Variants in HMCN1 observed in about 807,000 individuals in gnomAD.
The protein encoded by HMCN1 is hemicentin-1.
In HMCN1, 321 loss-of-function variants were observed where a neutral mutation model predicts 625.9. That is an observed-to-expected ratio of 0.51 (90% CI 0.47 to 0.56). The LOEUF (loss-of-function observed/expected upper bound fraction) is 0.56, where lower values mean the gene tolerates loss of function less well. Ranked by LOEUF, HMCN1 falls within the 20% of genes least tolerant of loss-of-function variation. The pLI, the probability that HMCN1 is intolerant of heterozygous loss-of-function variation, is 0.00. For missense variants in HMCN1, 6,588 were observed against 6,887.3 expected (o/e 0.96, Z 1.54); for synonymous variants, 2,425 against 2,417.6 (o/e 1.00, Z -0.09).
At chr1:185,778,220 A>C (rs1001364724) in intron 1 of HMCN1, among the ~76,000 whole-genome samples, 1 of 152,152 alleles carries the variant, frequency 6.6e-6, no homozygotes, top group African/African-American at 2.4e-5. Flanking sequence ...AGTGAGGGAC[A>C]AACTGTGGAT....
At chr1:186,027,207 C>T (rs529526613) in intron 36 of HMCN1, among the ~76,000 whole-genome samples, 1 of 152,228 alleles carries the variant, frequency 6.6e-6, no homozygotes, top group South Asian at 2.1e-4. Flanking sequence ...ATGGGGTTTT[C>T]CAGGGTGGGG....
chr1:186,161,076 A>G, intron 97 of HMCN1, among the ~76,000 whole-genome samples: 1 of 152,100 alleles, frequency 6.6e-6, no homozygotes, highest in East Asian at 1.9e-4. Context: ...TAGGTCTCTA[A>G]GGACTTGCTT....
chr1:186,030,211 G>A (rs1008024076), intron 36 of HMCN1, among the ~76,000 whole-genome samples: 10 of 152,064 alleles, frequency 6.6e-5, no homozygotes, highest in South Asian at 2.1e-4. Context: ...TGCCACTTGC[G>A]TTATAGGTTG....
chr1:185,906,692 C>G (rs1022665469), intron 4 of HMCN1, among the ~76,000 whole-genome samples: 22 of 151,580 alleles, frequency 1.5e-4, no homozygotes, highest in Non-Finnish European at 5.9e-5. Context: ...TTATTAATGC[C>G]ATTTCATTTC....
chr1:185,890,599 G>T (rs1665003887), intron 4 of HMCN1, among the ~76,000 whole-genome samples: 1 of 137,146 alleles, frequency 7.3e-6, no homozygotes, highest in Non-Finnish European at 1.5e-5. Flanking sequence ...AGGTTGTTCA[G>T]TTTCCATGTA....
rs192386782 is a variant in HMCN1, at chr1:186,100,608, A to G, written c.10574-2864A>G. 9.2e-4 allele frequency among the ~76,000 whole-genome samples: 140 copies of G among 152,316 alleles called. 1 individual carries two copies. Among genetic ancestry groups the G allele is most frequent in the African/African-American group, 3.3e-3 (138 of 41,582 alleles). On this transcript the variant is annotated intron_variant, in intron 68 of 106. Coordinates refer to ENST00000271588, the MANE Select transcript of HMCN1 (RefSeq NM_031935.3). ...AAAACGGAATAACAAATAGAACTAC[A>G]GTTTGAGAAGAGCACTCTGGCTATA...
At chr1:185,978,517 C>T (rs1205092507) in intron 16 of HMCN1, among the ~76,000 whole-genome samples, 1 of 151,936 alleles carries the variant, frequency 6.6e-6, no homozygotes, top group Non-Finnish European at 1.5e-5. Flanking sequence ...TTTGGAAGCA[C>T]CTTCTATTTT....
intron 69 of HMCN1, among the ~76,000 whole-genome samples, chr1:186,105,833 G>A (rs1660582895): frequency 1.3e-5 from 2 of 152,094 alleles, no homozygotes; most frequent in African/African-American, 4.8e-5. Flanking sequence ...CAAGTGAGGG[G>A]GATGATATCA....
intron 1 of HMCN1, among the ~76,000 whole-genome samples, chr1:185,817,734 C>T (rs1468627558): frequency 1.3e-5 from 2 of 152,040 alleles, no homozygotes. Flanking sequence ...AAAAGTGGTG[C>T]AAGAATGGCC....
chr1:186,075,362 A>G (rs948956543), intron 53 of HMCN1, among the ~76,000 whole-genome samples: 4 of 152,124 alleles, frequency 2.6e-5, no homozygotes, highest in Non-Finnish European at 5.9e-5. Context: ...TACCCCATAA[A>G]CATAAAATGA....
chr1:185,871,081 T>A (rs1322095683), intron 4 of HMCN1, among the ~76,000 whole-genome samples: 5 of 152,024 alleles, frequency 3.3e-5, no homozygotes, highest in Non-Finnish European at 7.4e-5. Context: ...ATACAAAAAT[T>A]AGCTGGGCAT....
chr1:185,761,366 T>C (rs1426971385), intron 1 of HMCN1, among the ~76,000 whole-genome samples: 1 of 152,146 alleles, frequency 6.6e-6, no homozygotes, highest in Non-Finnish European at 1.5e-5. Context: ...TTATTAATAG[T>C]CAAATATCTG....
chr1:186,133,717 A>G (rs1254261558), intron 86 of HMCN1, among the ~76,000 whole-genome samples: 3 of 152,210 alleles, frequency 2.0e-5, no homozygotes, highest in Non-Finnish European at 2.9e-5. Flanking sequence ...TTTAATAAGT[A>G]TCTAATACAA....
chr1:186,055,087 G>A (rs533002815), intron 44 of HMCN1, among the ~76,000 whole-genome samples: 16 of 151,916 alleles, frequency 1.1e-4, no homozygotes, highest in East Asian at 5.8e-4. Flanking sequence ...GAAGACTTAC[G>A]TAAGGCAGGG....
chr1:186,134,706 G>A (rs779200738), intron 86 of HMCN1, among the ~76,000 whole-genome samples: 2 of 151,924 alleles, frequency 1.3e-5, no homozygotes, highest in Non-Finnish European at 2.9e-5. Context: ...TGTCTTATTT[G>A]TATTCTATTT....
At chr1:186,181,039 C>A (rs901033291) in intron 104 of HMCN1, among the ~76,000 whole-genome samples, 13 of 152,132 alleles carry the variant, frequency 8.5e-5, no homozygotes, top group Non-Finnish European at 4.4e-5. Flanking sequence ...GGAAAAATGA[C>A]CATTGCATTG....
At chr1:185,763,781 T>G (rs923038527) in intron 1 of HMCN1, among the ~76,000 whole-genome samples, 2 of 152,206 alleles carry the variant, frequency 1.3e-5, no homozygotes, top group African/African-American at 4.8e-5. Flanking sequence ...ATGCTGTAAA[T>G]CACCTGAAGT....
chr1:186,112,847 A>G lies in HMCN1; in HGVS notation c.11025A>G (p.Arg3675=), dbSNP rs369816795. The G allele has an allele frequency of 4.3e-6, 7 of 1,614,160 alleles. No homozygotes were observed. Among genetic ancestry groups the G allele is most frequent in the Admixed American group, 1.7e-5 (1 of 60,024 alleles). ...GAGTGCGAATCCTATCTGGAGGGAG[A>G]TACTTGCAAATCAACAATGCTGACC... The part of the protein sequence containing the change: ...TPRVRILSGG[R]YLQINNADLG... Residue 3675 remains arginine, a synonymous_variant, in exon 72 of 107, where the codon AGA becomes AGG. Transcript: ENST00000271588.
At chr1:186,067,069 A>G (rs1658165210) in intron 49 of HMCN1, among the ~76,000 whole-genome samples, 1 of 152,176 alleles carries the variant, frequency 6.6e-6, no homozygotes, top group Non-Finnish European at 1.5e-5. Context: ...TTCCTAAATG[A>G]GCAAATCTTT....
Sources: gnomAD v4.1 joint callset for allele counts (sites outside exome capture counted in the v4.1 genomes callset) on GRCh38, gnomAD v4.1.1 for gene constraint, MANE v1.5 for transcripts, NCBI Gene and HGNC (gene_info 2026-07-23, HGNC 2026-07-21) for gene names.